Variants in FBXL20 observed in about 807,000 individuals in gnomAD.
The protein encoded by FBXL20 is F-box and leucine rich repeat protein 20.
Under a neutral mutation model 64.0 loss-of-function variants are expected in FBXL20, and 11 were observed. The observed-to-expected ratio is 0.17, with a 90% confidence interval of 0.11 to 0.28. The LOEUF is 0.28. FBXL20 is among the 10% of genes least tolerant of loss of function. FBXL20 has a pLI of 1.00. For missense variants in FBXL20, 303 were observed against 526.2 expected, an observed-to-expected ratio of 0.58 and a Z score of 4.15; for synonymous variants, 184 against 189.0, an observed-to-expected ratio of 0.97 and a Z score of 0.22.
intron 1 of FBXL20, among the ~76,000 whole-genome samples, chr17:39,364,183 G>A (rs1035497264): frequency 5.3e-5 from 8 of 152,050 alleles, no homozygotes; most frequent in Admixed American, 1.3e-4. Flanking sequence ...GAGCCACTGC[G>A]CCTGGGTCCC....
intron 4 of FBXL20, among the ~76,000 whole-genome samples, chr17:39,299,712 C>T (rs767842868): frequency 3.3e-5 from 5 of 151,978 alleles, no homozygotes; most frequent in African/African-American, 4.8e-5. Context: ...ACCCAGGAGA[C>T]GGAGCTTGTA....
At chr17:39,362,060 G>A (rs2047800821) in intron 1 of FBXL20, among the ~76,000 whole-genome samples, 1 of 150,890 alleles carries the variant, frequency 6.6e-6, no homozygotes, top group Non-Finnish European at 1.5e-5. Context: ...GGCCAAGGCG[G>A]GCAGATCACG....
chr17:39,311,037 C>G (rs774676083), intron 2 of FBXL20, among the ~76,000 whole-genome samples: 3 of 151,704 alleles, frequency 2.0e-5, no homozygotes, highest in East Asian at 3.9e-4. Flanking sequence ...GTGGTATGCA[C>G]GTATATGTAG....
At chr17:39,401,742 G>T, upstream of FBXL20, 4 of 1,064,538 alleles carry the variant, frequency 3.8e-6, no homozygotes, top group Non-Finnish European at 4.6e-6. Context: ...GGCGGGAGGG[G>T]AGGAGCGCGG....
At chr17:39,398,535 CCA>C (rs1363698703) in intron 1 of FBXL20, among the ~76,000 whole-genome samples, 1 of 152,134 alleles carries the variant, frequency 6.6e-6, no homozygotes, top group East Asian at 1.9e-4. Context: ...ACATTTAATG[CCA>C]TGGTGACACA....
intron 1 of FBXL20, among the ~76,000 whole-genome samples, chr17:39,374,346 T>C (rs1019643642): frequency 2.6e-5 from 4 of 151,304 alleles, no homozygotes; most frequent in African/African-American, 4.9e-5. Context: ...CTGGCCAACA[T>C]AGTGAAACCC....
In FBXL20 at chr17:39,344,521, C is replaced by T. The variant is rs151032767; in HGVS notation, c.43-1280G>A. Among the ~76,000 whole-genome samples, 941 of 152,170 alleles carry T rather than the reference C, an allele frequency of 6.2e-3. 10 individuals are homozygous for T. Among genetic ancestry groups the T allele is most frequent in the African/African-American group, 0.022 (912 of 41,534 alleles). ...TCACTTTTGGCCAGGCACAGTGGCT[C>T]ACACTTGTAATCCCAGCACTTTGGC... On this transcript the variant is annotated intron_variant, in intron 1 of 14. Transcript: ENST00000264658.
chr17:39,396,070 C>CG (rs1340605984), intron 1 of FBXL20, among the ~76,000 whole-genome samples: 4 of 62,644 alleles, frequency 6.4e-5, no homozygotes, highest in Middle Eastern at 0.011. Flanking sequence ...AAAGACTTTT[C>CG]GAAAAAAAAA....
intron 1 of FBXL20, among the ~76,000 whole-genome samples, chr17:39,401,111 G>C (rs551398650): frequency 6.6e-5 from 10 of 152,356 alleles, no homozygotes; most frequent in East Asian, 1.9e-4. Flanking sequence ...GGTGGAATTA[G>C]GGCGCCCGAG....
chr17:39,340,182 T>TGC (rs767089736), intron 2 of FBXL20, among the ~76,000 whole-genome samples: 5 of 151,904 alleles, frequency 3.3e-5, no homozygotes, highest in Non-Finnish European at 7.4e-5. Flanking sequence ...CTGCAACCTC[T>TGC]GCCTCCCGGG....
At chr17:39,292,117 T>G (rs1424591056) in intron 6 of FBXL20, among the ~76,000 whole-genome samples, 1 of 150,772 alleles carries the variant, frequency 6.6e-6, no homozygotes, top group Non-Finnish European at 1.5e-5. Flanking sequence ...TCTATAAATG[T>G]CAATTATATC....
chr17:39,384,145 G>A (rs1185000301), intron 1 of FBXL20, among the ~76,000 whole-genome samples: 9 of 152,184 alleles, frequency 5.9e-5, no homozygotes, highest in African/African-American at 2.2e-4. Context: ...TAAGGTGGAA[G>A]ATCACTAGGG....
intron 9 of FBXL20, among the ~76,000 whole-genome samples, chr17:39,279,861 C>T (rs899404089): frequency 2.3e-4 from 35 of 151,926 alleles, no homozygotes; most frequent in African/African-American, 8.5e-4. Context: ...CACCGCATTC[C>T]AGCCTGGGTA....
At chr17:39,327,758 T>TG (rs2047422328) in intron 2 of FBXL20, among the ~76,000 whole-genome samples, 2 of 152,114 alleles carry the variant, frequency 1.3e-5, no homozygotes, top group African/African-American at 4.8e-5. Context: ...TGTAGTGCAG[T>TG]GGCACAATCT....
At chr17:39,287,228 T>C (rs2046997242) in intron 6 of FBXL20, among the ~76,000 whole-genome samples, 1 of 152,040 alleles carries the variant, frequency 6.6e-6, no homozygotes, top group African/African-American at 2.4e-5. Context: ...CTATTTCTAA[T>C]AGGTAAATAC....
At chr17:39,316,383 G>A (rs2047292568) in intron 2 of FBXL20, among the ~76,000 whole-genome samples, 1 of 152,004 alleles carries the variant, frequency 6.6e-6, no homozygotes, top group Admixed American at 6.6e-5. Context: ...AATGGCAATG[G>A]TATTTAACTC....
chr17:39,272,740 AAGAAAAAG>A (rs2046857578), intron 10 of FBXL20, among the ~76,000 whole-genome samples: 1 of 151,482 alleles, frequency 6.6e-6, no homozygotes, highest in African/African-American at 2.4e-5. Flanking sequence ...GAAAGAAAGA[AAGAAAAAG>A]AAAGAAAGAA....
chr17:39,298,836 CT>C (rs1238499005), intron 5 of FBXL20, among the ~76,000 whole-genome samples, 153 bp downstream of exon 5: 3 of 152,046 alleles, frequency 2.0e-5, no homozygotes, highest in Non-Finnish European at 4.4e-5. Context: ...ACTGTTAAAA[CT>C]ACATTTCTTA....
chr17:39,324,952 C>T (rs956737471), intron 2 of FBXL20, among the ~76,000 whole-genome samples: 1 of 152,316 alleles, frequency 6.6e-6, no homozygotes. Context: ...GCCTATAATC[C>T]TAGCACTTTG....
Sources: allele counts gnomAD v4.1 joint callset (sites outside exome capture counted in the v4.1 genomes callset), GRCh38; gene constraint gnomAD v4.1.1; transcripts MANE v1.5; gene names NCBI Gene and HGNC (gene_info 2026-07-23, HGNC 2026-07-21).